Variants in MACO1 observed in about 807,000 individuals in gnomAD.
MACO1 encodes macoilin 1, also known as macoilin.
Under a neutral mutation model 78.7 loss-of-function variants are expected in MACO1, and 14 were observed. The ratio of observed to expected loss-of-function variants is 0.18; its 90% confidence interval spans 0.12 to 0.28. The LOEUF is 0.28. Ranked by LOEUF, MACO1 falls within the 10% of genes least tolerant of loss-of-function variation. The pLI is 1.00. For missense variants in MACO1, 501 were observed against 799.0 expected (o/e 0.63, Z 4.50); for synonymous variants, 288 against 291.6 (o/e 0.99, Z 0.12).
chr1:25,468,128 C>CTGT (rs1249284696), intron 6 of MACO1, among the ~76,000 whole-genome samples: 2 of 151,636 alleles, frequency 1.3e-5, no homozygotes, highest in African/African-American at 4.9e-5. Flanking sequence ...TAGAGAGGTG[C>CTGT]TGTTGTGTGT....
chr1:25,475,038 G>A (rs533783253), intron 6 of MACO1, among the ~76,000 whole-genome samples: 1 of 152,262 alleles, frequency 6.6e-6, no homozygotes, highest in South Asian at 2.1e-4. Flanking sequence ...AGTAGTTGAG[G>A]TAGATTTAAA....
intron 3 of MACO1, among the ~76,000 whole-genome samples, chr1:25,453,166 C>T (rs188098293): frequency 2.2e-4 from 33 of 151,254 alleles, no homozygotes; most frequent in South Asian, 1.7e-3. Flanking sequence ...CCACCACGCC[C>T]GGCTAATGTT....
At chr1:25,493,842 C>T (rs2043510605) in intron 10 of MACO1, among the ~76,000 whole-genome samples, 1 of 151,052 alleles carries the variant, frequency 6.6e-6, no homozygotes, top group South Asian at 2.1e-4. Flanking sequence ...ACGCCATTCT[C>T]CTGCCTCAGC....
At chr1:25,472,206 A>G (rs1038487174) in intron 6 of MACO1, among the ~76,000 whole-genome samples, 1 of 151,864 alleles carries the variant, frequency 6.6e-6, no homozygotes, top group African/African-American at 2.4e-5. Flanking sequence ...AAATATATAT[A>G]TTATACTTTG....
chr1:25,438,673 C>T (rs1384227898), intron 1 of MACO1, among the ~76,000 whole-genome samples: 3 of 152,108 alleles, frequency 2.0e-5, no homozygotes, highest in Admixed American at 6.5e-5. Flanking sequence ...GAGGTCGAGG[C>T]GGGTGGATCA....
chr1:25,432,641 T>A (rs1381113693), intron 1 of MACO1, among the ~76,000 whole-genome samples: 1 of 152,218 alleles, frequency 6.6e-6, no homozygotes, highest in African/African-American at 2.4e-5. Flanking sequence ...TATACATTCT[T>A]GAATTAAAGA....
intron 1 of MACO1, among the ~76,000 whole-genome samples, chr1:25,437,158 A>G (rs1028415398): frequency 2.7e-5 from 4 of 148,906 alleles, no homozygotes; most frequent in East Asian, 3.9e-4. Flanking sequence ...TTTTTGAGAC[A>G]GGGTCTCATT....
chr1:25,489,124 A>C, intron 8 of MACO1, 49 bp from the exon 9 acceptor site: 2 of 1,584,674 alleles, frequency 1.3e-6, no homozygotes, highest in South Asian at 2.3e-5. Flanking sequence ...CCCAGCCCCA[A>C]CCTATAGTCT....
intron 9 of MACO1, among the ~76,000 whole-genome samples, chr1:25,489,931 A>G (rs2043469971): frequency 6.6e-6 from 1 of 152,220 alleles, no homozygotes; most frequent in Admixed American, 6.5e-5. Context: ...TCAGAGATAG[A>G]TGGGAAAGGT....
In MACO1 at chr1:25,454,474, A is replaced by G. The variant is rs1273931365; in HGVS notation, c.473+92A>G. 79 of 150,182 alleles carry G rather than the reference A, an allele frequency of 5.3e-4. 1 individual carries two copies. The East Asian group carries it at 5.7e-3, about 11-fold the overall frequency. The allele number at this position is 150,182 out of a possible 1,614,324, so 9.3% of individuals were successfully genotyped here. A position where few individuals can be genotyped will look rare whatever the true frequency, so the allele number is the denominator to read the frequency against. On this transcript the variant is annotated intron_variant, in intron 4 of 10. Transcript: ENST00000374343. ...TGTGTGTGTGTGTGTGTGTGTGTATATATATATATATATATTTTTTTTTTT... is the reference window on the plus strand; with the variant it reads ...TGTGTGTGTGTGTGTGTGTGTGTATGTATATATATATATATTTTTTTTTTT...
chr1:25,466,136 G>A (rs2043217614), intron 6 of MACO1, among the ~76,000 whole-genome samples: 1 of 152,168 alleles, frequency 6.6e-6, no homozygotes, highest in Non-Finnish European at 1.5e-5. Context: ...CCAGTAGTGG[G>A]ATTGCTGGAT....
rs1162059658 is a variant in MACO1, at chr1:25,460,148, A to G, written c.1154+1256A>G. ...TTTGGGTTCTACTAATACAGGCTCT[A>G]GAGGTTTCACAGCCCCCAGGCTACT... On this transcript the variant is annotated intron_variant, in intron 6 of 10. Transcript: ENST00000374343. Among the ~76,000 whole-genome samples the G allele has an allele frequency of 2.6e-5, 4 of 152,322 alleles. No homozygotes were observed. The East Asian group carries it at 7.7e-4, about 29-fold the overall frequency.
intron 6 of MACO1, among the ~76,000 whole-genome samples, chr1:25,470,635 C>G (rs2043259030): frequency 6.6e-6 from 1 of 152,174 alleles, no homozygotes; most frequent in South Asian, 2.1e-4. Context: ...AAGGTGCAAG[C>G]CCATCTTAAG....
intron 1 of MACO1, among the ~76,000 whole-genome samples, chr1:25,436,561 G>A (rs538061591): frequency 6.4e-4 from 98 of 152,192 alleles, no homozygotes; most frequent in African/African-American, 2.3e-3. Flanking sequence ...CCAGCAAGCT[G>A]CATAAGTAGG....
chr1:25,459,384 A>C (rs539758297), intron 6 of MACO1, among the ~76,000 whole-genome samples: 10 of 152,330 alleles, frequency 6.6e-5, no homozygotes, highest in African/African-American at 2.2e-4. Context: ...ACTCTGGGAA[A>C]GTTAGATTTG....
Position 25,484,391 on chromosome 1 carries a change from T to C in MACO1, c.1313+117T>C, listed in dbSNP as rs1165387189. On this transcript the variant is annotated intron_variant, in intron 7 of 10. Transcript: ENST00000374343. ...AGAGACCTGCTGAGAGGTTTTTAAA[T>C]AAAATGTTTAAAATACTTTATTTAG... 1.8e-5 allele frequency: 17 copies of C among 962,310 alleles called. 1 individual carries two copies. The highest frequency in any genetic ancestry group is 2.5e-5 in the Non-Finnish European group (17 of 689,288). 59.6% of individuals were successfully genotyped at this position (962,310 alleles called of 1,614,324 possible). A position where few individuals can be genotyped will look rare whatever the true frequency, so the allele number is the denominator to read the frequency against.
At chr1:25,443,990 G>T (rs906020365) in intron 1 of MACO1, among the ~76,000 whole-genome samples, 1 of 147,654 alleles carries the variant, frequency 6.8e-6, no homozygotes, top group Non-Finnish European at 1.5e-5. Flanking sequence ...AGTGGCTCAC[G>T]CCTGTAATCC....
intron 6 of MACO1, among the ~76,000 whole-genome samples, chr1:25,461,910 A>G (rs1275740087): frequency 5.3e-5 from 8 of 152,160 alleles, no homozygotes; most frequent in African/African-American, 1.9e-4. Flanking sequence ...ATGAACAGCA[A>G]TGAAAGAGTT....
chr1:25,484,352 A>C (rs569910754), intron 7 of MACO1, 78 bp downstream of exon 7: 1 of 1,437,524 alleles, frequency 7.0e-7, no homozygotes, highest in Non-Finnish European at 9.3e-7. Flanking sequence ...TTGGAGCACA[A>C]GATTTATGGT....
Sources: allele counts gnomAD v4.1 joint callset (sites outside exome capture counted in the v4.1 genomes callset), GRCh38; gene constraint gnomAD v4.1.1; transcripts MANE v1.5; gene names NCBI Gene and HGNC (gene_info 2026-07-23, HGNC 2026-07-21).